Variants in NBEA observed in about 807,000 individuals in gnomAD.
NBEA encodes the protein neurobeachin.
NBEA carries 44 observed loss-of-function variants against 343.4 expected under a neutral mutation model. The ratio of observed to expected loss-of-function variants is 0.13; its 90% CI spans 0.10 to 0.16. The LOEUF is 0.16. Among genes scored for constraint, NBEA ranks in the 10% least tolerant of loss-of-function variants. NBEA has a pLI of 1.00. For missense variants in NBEA, 2,555 were observed against 3,631.3 expected (o/e 0.70, Z 7.62); for synonymous variants, 1,175 against 1,238.7 (o/e 0.95, Z 1.08).
rs539455106 is a variant in NBEA, at chr13:35,385,663, G to A, written c.6179+33340G>A. Reference sequence around the variant, plus strand: ...GGCTGCAGTGAGCCATGATCACATCGCTGCACTCCAGCCTAGGTGACAAAG... The same window carrying A: ...GGCTGCAGTGAGCCATGATCACATCACTGCACTCCAGCCTAGGTGACAAAG... On this transcript the variant is annotated intron_variant, in intron 38 of 58. Transcript: ENST00000379939. 2.2e-4 allele frequency among the ~76,000 whole-genome samples: 33 copies of A among 152,112 alleles called. No homozygotes were observed. In the South Asian group the frequency reaches 6.4e-3, roughly 30 times the overall value.
chr13:35,123,167 G>A (rs1459269193), intron 16 of NBEA, among the ~76,000 whole-genome samples: 1 of 152,058 alleles, frequency 6.6e-6, no homozygotes, highest in Non-Finnish European at 1.5e-5. Context: ...AAGAAAATAG[G>A]GTTATCAAGT....
chr13:35,366,904 T>G (rs772175488), intron 38 of NBEA, among the ~76,000 whole-genome samples: 3 of 151,394 alleles, frequency 2.0e-5, no homozygotes, highest in Non-Finnish European at 3.0e-5. Context: ...GTACTCCCAT[T>G]GCTTACATAA....
chr13:35,655,666 T>A lies in NBEA; in HGVS notation c.8279T>A (p.Ile2760Asn), dbSNP rs764652363. The part of the protein sequence containing the change: ...SESYIGGDCY[I>N]VSGSRDATLL... ...TCATACATTGGTGGGGACTGCTACA[T>A]CGTGTCCGGATCTCGAGATGCCACC... The change falls in exon 55 of 59, where the codon ATC (isoleucine) becomes AAC (asparagine). Residue 2760 changes from isoleucine (I) to asparagine (N), a missense_variant. Ile to Asn is a moderately radical substitution (Grantham distance 149). Coordinates refer to ENST00000379939, the MANE Select transcript of NBEA (RefSeq NM_001385012.1). The A allele has an allele frequency of 6.2e-7, 1 of 1,613,900 alleles. No homozygotes were observed. The highest frequency in any genetic ancestry group is 1.1e-5 in the South Asian group (1 of 91,074).
chr13:34,999,842 G>T (rs1397778917), intron 1 of NBEA, among the ~76,000 whole-genome samples: 1 of 152,058 alleles, frequency 6.6e-6, no homozygotes, highest in East Asian at 1.9e-4. Flanking sequence ...ACAGTGTCTG[G>T]ATTTTAACAC....
intron 41 of NBEA, among the ~76,000 whole-genome samples, chr13:35,481,131 C>G (rs567357291): frequency 6.6e-6 from 1 of 152,000 alleles, no homozygotes; most frequent in African/African-American, 2.4e-5. Flanking sequence ...CTTCATCACC[C>G]TAGTTCACAA....
chr13:35,392,089 T>A (rs1461967), intron 38 of NBEA, among the ~76,000 whole-genome samples: 106,642 of 151,924 alleles, frequency 0.7, 39,539 homozygotes, highest in Non-Finnish European at 0.81. Context: ...GATTTTATAT[T>A]ATAAGTGAAT....
At position 35,136,578 on chromosome 13, in the gene NBEA, A is replaced by C. The variant is rs989201252; in HGVS notation, c.2337-5691A>C. Reference sequence around the variant, plus strand: ...TTAAATAAAAGTTTAGTGATTAAAAAAGAGAGTTCCTAAAAAGAAAATGGA... The same window carrying C: ...TTAAATAAAAGTTTAGTGATTAAAACAGAGAGTTCCTAAAAAGAAAATGGA... On this transcript the variant is annotated intron_variant, in intron 17 of 58. Coordinates refer to ENST00000379939, the MANE Select transcript of NBEA (RefSeq NM_001385012.1). Among the ~76,000 whole-genome samples the C allele has an allele frequency of 2.9e-4, 44 of 152,318 alleles. 1 individual carries two copies. Among genetic ancestry groups the C allele is most frequent in the African/African-American group, 9.9e-4 (41 of 41,584 alleles).
intron 13 of NBEA, among the ~76,000 whole-genome samples, chr13:35,112,716 A>G (rs1451662502): frequency 6.6e-6 from 1 of 152,200 alleles, no homozygotes; most frequent in Admixed American, 6.5e-5. Context: ...TTTACATCTT[A>G]TCACTTTAGC....
chr13:35,333,604 C>T (rs2039064339), intron 36 of NBEA, among the ~76,000 whole-genome samples: 1 of 151,526 alleles, frequency 6.6e-6, no homozygotes, highest in South Asian at 2.1e-4. Context: ...TTATAGTCAC[C>T]CTGTTGTGCT....
At chr13:34,992,268 T>G (rs1169981070) in intron 1 of NBEA, among the ~76,000 whole-genome samples, 1 of 142,646 alleles carries the variant, frequency 7.0e-6, no homozygotes, top group South Asian at 2.2e-4. Flanking sequence ...ATATATTTTT[T>G]TTTTTAGACA....
intron 18 of NBEA, among the ~76,000 whole-genome samples, chr13:35,148,797 T>TAA (rs2068595521): frequency 6.6e-6 from 1 of 152,154 alleles, no homozygotes; most frequent in Non-Finnish European, 1.5e-5. Context: ...CTTTGTGGGC[T>TAA]ATACAGTATC....
chr13:35,090,417 T>C (rs190480800), intron 10 of NBEA, among the ~76,000 whole-genome samples: 26 of 152,060 alleles, frequency 1.7e-4, no homozygotes, highest in African/African-American at 6.0e-4. Flanking sequence ...AGTAGGAAAA[T>C]GACATGAGAA....
intron 1 of NBEA, among the ~76,000 whole-genome samples, chr13:35,035,313 T>C (rs2062398095): frequency 1.3e-5 from 2 of 151,986 alleles, no homozygotes; most frequent in Non-Finnish European, 2.9e-5. Flanking sequence ...TTCCATGTAT[T>C]TGTATAGTTT....
chr13:35,195,872 G>A lies in NBEA; in HGVS notation c.4936G>A (p.Ala1646Thr), dbSNP rs540250334. The change falls in exon 31 of 59, where the codon GCT (alanine) becomes ACT (threonine). Residue 1646 changes from alanine (A) to threonine (T), a missense_variant. Transcript: ENST00000379939. The stretch of plus-strand genomic sequence containing the variant: ...AGTTTCTTTCATTACAGAAACACCT[G>A]CTGCATTTCCAGACACCATAAAAGA... ...FGHSFYKETP[A>T]AFPDTIKEKE... 1.3e-5 allele frequency: 21 copies of A among 1,584,658 alleles called. No homozygotes were observed. Among genetic ancestry groups the A allele is most frequent in the Middle Eastern group, 3.4e-4 (2 of 5,872 alleles).
At chr13:35,304,176 C>G (rs186187384) in intron 35 of NBEA, among the ~76,000 whole-genome samples, 201 of 152,300 alleles carry the variant, frequency 1.3e-3, no homozygotes, top group African/African-American at 4.7e-3. Flanking sequence ...GCCACCCTCT[C>G]TTCCTCTCTA....
intron 49 of NBEA, among the ~76,000 whole-genome samples, chr13:35,628,563 A>C (rs2083323829): frequency 6.6e-6 from 1 of 152,228 alleles, no homozygotes; most frequent in Non-Finnish European, 1.5e-5. Context: ...CTGAATATTT[A>C]AATAGGAATA....
intron 38 of NBEA, among the ~76,000 whole-genome samples, chr13:35,371,322 A>C (rs2041421907): frequency 6.6e-6 from 1 of 151,022 alleles, no homozygotes; most frequent in African/African-American, 2.4e-5. Context: ...TTTCTTTATT[A>C]TTTTCTTACT....
chr13:35,447,577 C>T (rs1011336300), intron 39 of NBEA, among the ~76,000 whole-genome samples: 2 of 152,016 alleles, frequency 1.3e-5, no homozygotes, highest in South Asian at 2.1e-4. Flanking sequence ...AACATAAGTG[C>T]GGTTTTGGAT....
intron 33 of NBEA, among the ~76,000 whole-genome samples, chr13:35,222,772 T>C (rs2074440068): frequency 6.6e-6 from 1 of 152,208 alleles, no homozygotes; most frequent in African/African-American, 2.4e-5. Flanking sequence ...AGTTTACTCC[T>C]AATTCCTCTT....
Sources: allele counts gnomAD v4.1 joint callset (sites outside exome capture counted in the v4.1 genomes callset), GRCh38; gene constraint gnomAD v4.1.1; transcripts MANE v1.5; gene names NCBI Gene and HGNC (gene_info 2026-07-23, HGNC 2026-07-21).